PPARG: variants seen among roughly 807,000 people sequenced by gnomAD.
The protein encoded by PPARG is peroxisome proliferator activated receptor gamma.
Under a neutral mutation model 39.2 loss-of-function variants are expected in PPARG, and 17 were observed. That is an observed-to-expected ratio of 0.43 (90% CI 0.30 to 0.65). The LOEUF (loss-of-function observed/expected upper bound fraction) is 0.65. Ranked by LOEUF, PPARG falls within the 30% of genes least tolerant of loss-of-function variation. The pLI is 0.13. For synonymous variants in PPARG, 223 were observed against 215.7 expected, an observed-to-expected ratio of 1.03 and a Z score of -0.30; for missense variants, 406 against 585.9, an observed-to-expected ratio of 0.69 and a Z score of 3.17.
chr3:12,373,206 G>A (rs2049283010), intron 2 of PPARG, among the ~76,000 whole-genome samples: 1 of 152,084 alleles, frequency 6.6e-6, no homozygotes, highest in Non-Finnish European at 1.5e-5. Context: ...AAAATAAAAT[G>A]TCTAGGGAAC....
chr3:12,418,498 G>A (rs1207749278), intron 7 of PPARG, among the ~76,000 whole-genome samples: 3 of 152,186 alleles, frequency 2.0e-5, no homozygotes, highest in Admixed American at 1.3e-4. Flanking sequence ...GTCATCTTTT[G>A]TTGTCCAGTT....
intron 6 of PPARG, 152 bp downstream of exon 6, chr3:12,406,233 G>A (rs781146023): frequency 6.4e-5 from 51 of 801,844 alleles, no homozygotes; most frequent in Non-Finnish European, 9.5e-5. Flanking sequence ...AGTCTGAAAC[G>A]CAGGAAGTGT....
intron 1 of PPARG, among the ~76,000 whole-genome samples, chr3:12,298,123 C>A (rs1031877460): frequency 2.7e-5 from 4 of 150,024 alleles, no homozygotes; most frequent in African/African-American, 9.8e-5. Flanking sequence ...AACGGTGAAA[C>A]CCCGTCTCTA....
intron 1 of PPARG, among the ~76,000 whole-genome samples, chr3:12,306,291 G>A (rs907083998): frequency 1.3e-5 from 2 of 152,154 alleles, no homozygotes; most frequent in African/African-American, 4.8e-5. Flanking sequence ...GACAGGAGGC[G>A]GAGCTCAGGC....
chr3:12,408,813 G>T (rs2050773698), intron 6 of PPARG, among the ~76,000 whole-genome samples: 1 of 144,640 alleles, frequency 6.9e-6, no homozygotes, highest in Admixed American at 7.0e-5. Context: ...CAACTTAATA[G>T]TACCAGAAAG....
At chr3:12,328,263 C>T (rs1271284227) in intron 2 of PPARG, 9 of 1,507,560 alleles carry the variant, frequency 6.0e-6, no homozygotes, top group East Asian at 2.4e-5. Flanking sequence ...GCTGATGGCA[C>T]GAAGGGCCCA....
intron 6 of PPARG, among the ~76,000 whole-genome samples, chr3:12,407,787 T>G (rs910555299): frequency 6.6e-6 from 1 of 152,230 alleles, no homozygotes; most frequent in East Asian, 1.9e-4. Context: ...AAAGGAAACT[T>G]ATGGCATAAA....
rs62243564 is a variant in PPARG, at chr3:12,409,350, C to A, written c.729+3269C>A. Among the ~76,000 whole-genome samples, 856 of 152,086 alleles carry A rather than the reference C, an allele frequency of 5.6e-3. 6 individuals carry two copies. Among genetic ancestry groups the A allele is most frequent in the Non-Finnish European group, 9.2e-3 (629 of 68,006 alleles). ...CTACAATTGTTTGGCACCCTCTCTT[C>A]TCCTTATCTTGCAAAATCAAATTAA... On this transcript the variant is annotated intron_variant, in intron 6 of 7. Coordinates refer to ENST00000651735, the MANE Select transcript of PPARG (RefSeq NM_138711.6).
upstream of PPARG, among the ~76,000 whole-genome samples, chr3:12,288,321 C>T (rs2046560394): frequency 6.6e-6 from 1 of 151,760 alleles, no homozygotes; most frequent in Admixed American, 6.5e-5. Flanking sequence ...GTCGCGTCTA[C>T]CGGAGCGCGC....
intron 7 of PPARG, among the ~76,000 whole-genome samples, chr3:12,423,423 C>T (rs2051329056): frequency 6.6e-6 from 1 of 152,198 alleles, no homozygotes; most frequent in Non-Finnish European, 1.5e-5. Context: ...ATCTCTCTTC[C>T]CTGTCCCATA....
intron 2 of PPARG, chr3:12,328,012 G>C: frequency 9.9e-7 from 1 of 1,013,462 alleles, no homozygotes; most frequent in Non-Finnish European, 1.6e-6. Flanking sequence ...TATAGTGATT[G>C]AACAGCTAAA....
chr3:12,428,582 C>T (rs1424863118), intron 7 of PPARG, among the ~76,000 whole-genome samples: 1 of 152,244 alleles, frequency 6.6e-6, no homozygotes, highest in East Asian at 1.9e-4. Context: ...GGCCCTGGCA[C>T]TGTCTGGGTA....
At chr3:12,292,314 T>A (rs538598878) in intron 1 of PPARG, among the ~76,000 whole-genome samples, 7 of 152,348 alleles carry the variant, frequency 4.6e-5, no homozygotes, top group Admixed American at 3.9e-4. Flanking sequence ...TTGTGCGCTT[T>A]GATTTGATAA....
chr3:12,404,706 A>C (rs2050595892), intron 5 of PPARG, among the ~76,000 whole-genome samples: 1 of 152,206 alleles, frequency 6.6e-6, no homozygotes, highest in South Asian at 2.1e-4. Context: ...TCAGAGGCTG[A>C]GGCAGGAGAA....
rs143123415 is a variant in PPARG at position 12,367,738 on chromosome 3, G to A, written c.-8-11966G>A. ...AAAATAAAAAAATTAGATGAATGTG[G>A]TGGTGAATGCCTGTGGTCCCAGCTA... On this transcript the variant is annotated intron_variant, in intron 2 of 7. Coordinates refer to ENST00000651735, the MANE Select transcript of PPARG (RefSeq NM_138711.6). Among the ~76,000 whole-genome samples the A allele has an allele frequency of 3.5e-3, 536 of 151,774 alleles. 2 individuals carry two copies. The highest frequency in any genetic ancestry group is 8.3e-3 in the African/African-American group (346 of 41,476).
intron 2 of PPARG, among the ~76,000 whole-genome samples, chr3:12,329,974 C>T (rs778794198): frequency 6.6e-5 from 10 of 152,174 alleles, no homozygotes; most frequent in Non-Finnish European, 1.5e-4. Context: ...GAATGCCATT[C>T]CTTTTTATGG....
chr3:12,371,509 T>G (rs964777233), intron 2 of PPARG, among the ~76,000 whole-genome samples: 5 of 152,228 alleles, frequency 3.3e-5, no homozygotes, highest in African/African-American at 1.2e-4. Flanking sequence ...TTCTTCGCAT[T>G]TTATTCTGTG....
intron 2 of PPARG, among the ~76,000 whole-genome samples, chr3:12,362,573 C>T (rs933662003): frequency 4.0e-5 from 6 of 149,024 alleles, no homozygotes; most frequent in African/African-American, 7.4e-5. Flanking sequence ...ATAAATAAAA[C>T]GAACAACAAC....
At chr3:12,336,876 T>C (rs1269103922) in intron 2 of PPARG, among the ~76,000 whole-genome samples, 1 of 152,210 alleles carries the variant, frequency 6.6e-6, no homozygotes, top group Non-Finnish European at 1.5e-5. Context: ...GCTGAGCTTC[T>C]TGTGGACATT....
Sources: allele counts gnomAD v4.1 joint callset (sites outside exome capture counted in the v4.1 genomes callset), GRCh38; gene constraint gnomAD v4.1.1; transcripts MANE v1.5; gene names NCBI Gene and HGNC (gene_info 2026-07-23, HGNC 2026-07-21).